The following CRISPLD2 variants were observed in gnomAD, a reference collection of about 807,000 sequenced individuals.
CRISPLD2 encodes the protein cysteine-rich secretory protein LCCL domain-containing 2.
CRISPLD2 carries 47 observed loss-of-function variants against 71.1 expected under a neutral mutation model. That is an observed-to-expected ratio of 0.66 (90% CI 0.52 to 0.84). The LOEUF (loss-of-function observed/expected upper bound fraction) is 0.84, where lower values mean the gene tolerates loss of function less well. Among genes scored for constraint, CRISPLD2 ranks in the 40% least tolerant of loss-of-function variants. The pLI is 0.00. For missense variants in CRISPLD2, 830 were observed against 651.1 expected, an observed-to-expected ratio of 1.27 and a Z score of -2.99; for synonymous variants, 317 against 250.1, an observed-to-expected ratio of 1.27 and a Z score of -2.52.
chr16:84,827,488 C>T (rs915105919), intron 1 of CRISPLD2, among the ~76,000 whole-genome samples: 8 of 152,026 alleles, frequency 5.3e-5, no homozygotes, highest in African/African-American at 1.7e-4. Context: ...TCCTCGGTCA[C>T]GGTCACGCCT....
intron 1 of CRISPLD2, among the ~76,000 whole-genome samples, chr16:84,828,833 G>A (rs1304880989): frequency 6.6e-6 from 1 of 152,054 alleles, no homozygotes; most frequent in African/African-American, 2.4e-5. Context: ...AGCATAGTAT[G>A]TAAACAATGA....
At chr16:84,862,066 C>G (rs1414052191) in intron 6 of CRISPLD2, among the ~76,000 whole-genome samples, 1 of 152,230 alleles carries the variant, frequency 6.6e-6, no homozygotes, top group African/African-American at 2.4e-5. Flanking sequence ...TGACCCTTTA[C>G]TCCTGTGTCC....
intron 13 of CRISPLD2, among the ~76,000 whole-genome samples, chr16:84,882,347 C>CAAAAAAAAAAAAAA (rs80146835): frequency 3.9e-4 from 30 of 77,466 alleles, no homozygotes; most frequent in Non-Finnish European, 5.6e-4. Flanking sequence ...ACCAATAAAG[C>CAAAAAAAAAAAAAA]AAAAAAAAAA....
chr16:84,877,263 C>G (rs1431290964), intron 11 of CRISPLD2, among the ~76,000 whole-genome samples, 175 bp from the exon 12 acceptor site: 5 of 152,204 alleles, frequency 3.3e-5, no homozygotes, highest in Admixed American at 2.0e-4. Flanking sequence ...TTGGTCTCAT[C>G]TCTTAAGTGC....
At chr16:84,857,814 C>T (rs868466093) in intron 6 of CRISPLD2, among the ~76,000 whole-genome samples, 2 of 152,196 alleles carry the variant, frequency 1.3e-5, no homozygotes, top group African/African-American at 4.8e-5. Context: ...AGACCATGGG[C>T]AGTTGAGCCA....
At chr16:84,830,007 T>A (rs369351462) in intron 1 of CRISPLD2, among the ~76,000 whole-genome samples, 133 of 152,338 alleles carry the variant, frequency 8.7e-4, no homozygotes, top group African/African-American at 2.9e-3. Flanking sequence ...GACTGGCTCA[T>A]ACCAGCTCTT....
intron 3 of CRISPLD2, 113 bp downstream of exon 3, chr16:84,846,017 C>T: frequency 1.6e-6 from 1 of 634,194 alleles, no homozygotes. Flanking sequence ...GAGAGACCAC[C>T]CGTCCCATCG....
At chr16:84,888,251 G>C (rs1350244873) in intron 13 of CRISPLD2, among the ~76,000 whole-genome samples, 1 of 152,026 alleles carries the variant, frequency 6.6e-6, no homozygotes, top group Non-Finnish European at 1.5e-5. Flanking sequence ...ACCAACAATT[G>C]GGCCGAGTGC....
chr16:84,874,211 C>T (rs945808912), intron 11 of CRISPLD2, among the ~76,000 whole-genome samples: 2 of 152,178 alleles, frequency 1.3e-5, no homozygotes, highest in South Asian at 2.1e-4. Context: ...ATGTCACAGA[C>T]ATACTGATGC....
intron 7 of CRISPLD2, among the ~76,000 whole-genome samples, chr16:84,867,373 G>T (rs77254687): frequency 0.15 from 22,879 of 152,144 alleles, 1,881 homozygotes; most frequent in South Asian, 0.22. Context: ...CCTGCAGAGG[G>T]CAGGCAGCGT....
chr16:84,853,573 C>G (rs565722359), intron 5 of CRISPLD2, among the ~76,000 whole-genome samples: 1 of 152,178 alleles, frequency 6.6e-6, no homozygotes, highest in Non-Finnish European at 1.5e-5. Context: ...CTTCTGGGGC[C>G]GCGGGAAGTT....
In CRISPLD2 at chr16:84,877,427, C is replaced by G. The variant is rs777002681; in HGVS notation, c.1157-11C>G. Reference sequence around the variant, plus strand: ...GGGACCTGACCCTTTCCCCCTTGCTCCTGTTCACAGTGCAGGATTTGGACT... The same window carrying G: ...GGGACCTGACCCTTTCCCCCTTGCTGCTGTTCACAGTGCAGGATTTGGACT... On this transcript the variant is annotated splice_polypyrimidine_tract_variant and intron_variant, in intron 11 of 14. Transcript: ENST00000262424. 2 of 1,613,476 alleles carry G rather than the reference C, an allele frequency of 1.2e-6. No homozygotes were observed. Among genetic ancestry groups the G allele is most frequent in the Middle Eastern group, 1.7e-4 (1 of 6,056 alleles).
chr16:84,849,203 G>C (rs1917004201), intron 3 of CRISPLD2, 182 bp from the exon 4 acceptor site: 10 of 593,336 alleles, frequency 1.7e-5, no homozygotes, highest in Non-Finnish European at 3.0e-6. Flanking sequence ...GCTGCTCCTG[G>C]AATTGGGGGC....
intron 1 of CRISPLD2, among the ~76,000 whole-genome samples, chr16:84,832,028 T>C (rs1282833076): frequency 6.6e-6 from 1 of 152,238 alleles, no homozygotes; most frequent in Non-Finnish European, 1.5e-5. Context: ...AGCCGCCATG[T>C]CCAGCCGGAT....
intron 2 of CRISPLD2, among the ~76,000 whole-genome samples, chr16:84,842,902 C>G (rs540636174): frequency 6.6e-6 from 1 of 152,258 alleles, no homozygotes; most frequent in South Asian, 2.1e-4. Context: ...GACTGAGCTG[C>G]GACCCCCAGG....
intron 11 of CRISPLD2, among the ~76,000 whole-genome samples, chr16:84,874,605 C>T (rs1297468807): frequency 6.6e-6 from 1 of 152,220 alleles, no homozygotes; most frequent in African/African-American, 2.4e-5. Flanking sequence ...CGGAGCTCTG[C>T]CGGCAGACCA....
Position 84,873,232 on chromosome 16 carries a change from C to G in CRISPLD2, c.1112+110C>G, listed in dbSNP as rs9931731. On this transcript the variant is annotated intron_variant, in intron 10 of 14. Transcript: ENST00000262424. ...CCGGGCGTGGTGGCTCACACCTGCACTTTGGGAGGCAGAGGCAGGTGGATC... is the reference window on the plus strand; with the variant it reads ...CCGGGCGTGGTGGCTCACACCTGCAGTTTGGGAGGCAGAGGCAGGTGGATC... 5.3e-3 allele frequency: 6,749 copies of G among 1,284,182 alleles called. 284 individuals carry two copies. In the African/African-American group the frequency reaches 0.092, roughly 18 times the overall value. 79.5% of individuals were successfully genotyped at this position (1,284,182 alleles called of 1,614,324 possible).
intron 3 of CRISPLD2, 191 bp downstream of exon 3, chr16:84,846,095 T>A: frequency 4.1e-6 from 2 of 486,686 alleles, no homozygotes; most frequent in Non-Finnish European, 7.3e-6. Context: ...GTATTCAAGC[T>A]TGGTTGGCTG....
intron 1 of CRISPLD2, among the ~76,000 whole-genome samples, chr16:84,829,875 C>T (rs192236133): frequency 1.8e-4 from 28 of 152,360 alleles, no homozygotes; most frequent in Non-Finnish European, 2.9e-4. Context: ...GCCCAGGCCA[C>T]GCCTGCGGCA....
Sources: gnomAD v4.1 joint callset for allele counts (sites outside exome capture counted in the v4.1 genomes callset) on GRCh38, gnomAD v4.1.1 for gene constraint, MANE v1.5 for transcripts, NCBI Gene and HGNC (gene_info 2026-07-23, HGNC 2026-07-21) for gene names.